ATF7: variants seen among roughly 807,000 people sequenced by gnomAD.
ATF7 encodes the protein activating transcription factor 7.
In ATF7, 10 loss-of-function variants were observed where a neutral mutation model predicts 50.4. That is an observed-to-expected ratio of 0.20 (90% CI 0.12 to 0.34). The LOEUF is 0.34. Among genes scored for constraint, ATF7 ranks in the 10% least tolerant of loss-of-function variants. ATF7 has a pLI of 1.00. For missense variants in ATF7, 465 were observed against 613.9 expected (o/e 0.76, Z 2.56); for synonymous variants, 201 against 226.4 (o/e 0.89, Z 1.01).
At chr12:53,552,744 A>AAAG in intron 2 of ATF7, 107 bp from the exon 3 acceptor site, 1 of 834,004 alleles carries the variant, frequency 1.2e-6, no homozygotes, top group Non-Finnish European at 2.0e-6. Flanking sequence ...TGGTCCCTGG[A>AAAG]AAGAAGAACT....
chr12:53,589,334 T>A (rs148092118), intron 2 of ATF7, among the ~76,000 whole-genome samples: 69 of 152,292 alleles, frequency 4.5e-4, no homozygotes, highest in African/African-American at 1.7e-3. Flanking sequence ...TTTGGCAGAG[T>A]ACATGATAAA....
At chr12:53,585,615 C>T (rs1241438486) in intron 2 of ATF7, among the ~76,000 whole-genome samples, 1 of 152,182 alleles carries the variant, frequency 6.6e-6, no homozygotes, top group African/African-American at 2.4e-5. Context: ...TATTCATTCT[C>T]ATACAGTGCT....
intron 2 of ATF7, among the ~76,000 whole-genome samples, chr12:53,567,203 T>C (rs1941489583): frequency 1.3e-5 from 2 of 152,250 alleles, no homozygotes; most frequent in African/African-American, 4.8e-5. Context: ...ATTCTACATC[T>C]TCATGAATAT....
intron 2 of ATF7, among the ~76,000 whole-genome samples, chr12:53,595,499 T>C (rs937947874): frequency 6.6e-6 from 1 of 152,198 alleles, no homozygotes; most frequent in Non-Finnish European, 1.5e-5. Flanking sequence ...ATAATCTCTA[T>C]AGATTTGTGT....
intron 3 of ATF7, among the ~76,000 whole-genome samples, chr12:53,550,053 C>T (rs968480025): frequency 6.6e-6 from 1 of 152,010 alleles, no homozygotes; most frequent in East Asian, 2.0e-4. Context: ...CCCAGGGGGG[C>T]GGCTCACGCC....
chr12:53,524,809 T>C lies in ATF7; in HGVS notation c.928-48A>G, dbSNP rs1428617277. On this transcript the variant is annotated intron_variant, in intron 9 of 11. Coordinates refer to ENST00000420353, the MANE Select transcript of ATF7 (RefSeq NM_006856.3). This position sits in a 1 kb window ranked among gnomAD's most constrained non-coding sequence, Gnocchi z 4.6. ...GGTTACTTGATGGGAACATTAATCC[T>C]TTCCAAATCACACCTGATGTTAGGT... 5 of 1,460,216 alleles carry C rather than the reference T, an allele frequency of 3.4e-6. No individual in the cohort carries two copies. In the East Asian group the frequency reaches 7.3e-5, roughly 21 times the overall value. The allele number at this position is 1,460,216 out of a possible 1,614,324, so 90.5% of individuals were successfully genotyped here.
chr12:53,594,801 T>A (rs1943084472), intron 2 of ATF7, among the ~76,000 whole-genome samples: 1 of 150,638 alleles, frequency 6.6e-6, no homozygotes. Flanking sequence ...GGCAGGAGAA[T>A]CGCTTGAACC....
intron 2 of ATF7, among the ~76,000 whole-genome samples, chr12:53,561,747 C>G (rs747432724): frequency 3.3e-5 from 5 of 152,242 alleles, no homozygotes; most frequent in Non-Finnish European, 5.9e-5. Context: ...AAAGATGCTA[C>G]TGTTTGCTAT....
chr12:53,551,382 G>C (rs1005235763), intron 3 of ATF7, among the ~76,000 whole-genome samples: 8 of 151,998 alleles, frequency 5.3e-5, no homozygotes, highest in Admixed American at 3.3e-4. Flanking sequence ...GGCTGGTCTC[G>C]AACTCCCAGC....
At chr12:53,566,952 C>G (rs570239129) in intron 2 of ATF7, among the ~76,000 whole-genome samples, 4 of 152,154 alleles carry the variant, frequency 2.6e-5, no homozygotes, top group African/African-American at 9.7e-5. Flanking sequence ...TGGGGTTTCA[C>G]CATCTTGGTC....
intron 7 of ATF7, 64 bp from the exon 8 acceptor site, chr12:53,532,687 G>T: frequency 8.0e-7 from 1 of 1,245,412 alleles, no homozygotes; most frequent in Admixed American, 2.3e-5. Context: ...TGGGGCAACA[G>T]TTTCCCTAAA....
At chr12:53,527,216 G>C (rs1381653998) in intron 9 of ATF7, among the ~76,000 whole-genome samples, 1 of 151,958 alleles carries the variant, frequency 6.6e-6, no homozygotes, top group East Asian at 1.9e-4. Context: ...AGGCGCAGTG[G>C]CTTATGCCTG....
chr12:53,525,310 G>GC lies in ATF7; in HGVS notation c.928-550dup, dbSNP rs536817000. 2.9e-3 allele frequency among the ~76,000 whole-genome samples: 444 copies of GC among 152,304 alleles called. 3 individuals are homozygous for GC. Among genetic ancestry groups the GC allele is most frequent in the African/African-American group, 0.01 (426 of 41,560 alleles). On this transcript the variant is annotated intron_variant, in intron 9 of 11. Coordinates refer to ENST00000420353, the MANE Select transcript of ATF7 (RefSeq NM_006856.3). ...GGAGGTTGCAGTGAGCTGAGATCAT[G>GC]CCATTGCACTCCAGCCTGGGCAACA...
chr12:53,530,383 T>G (rs568408165), intron 9 of ATF7, among the ~76,000 whole-genome samples: 26 of 152,258 alleles, frequency 1.7e-4, no homozygotes, highest in African/African-American at 6.3e-4. Flanking sequence ...ACCTGTTCAG[T>G]GCAGATGATA....
chr12:53,566,058 G>C (rs1941431049), intron 2 of ATF7, among the ~76,000 whole-genome samples: 1 of 152,132 alleles, frequency 6.6e-6, no homozygotes, highest in Non-Finnish European at 1.5e-5. Context: ...CAGATCTAGT[G>C]AGATTTATTC....
chr12:53,562,862 G>T (rs1231939777), intron 2 of ATF7, among the ~76,000 whole-genome samples: 1 of 152,060 alleles, frequency 6.6e-6, no homozygotes, highest in Non-Finnish European at 1.5e-5. Context: ...AAGACAAAAT[G>T]GCAGCAATGG....
chr12:53,529,710 T>TATACACACACACACACACACACACAC (rs1555216854), intron 9 of ATF7, among the ~76,000 whole-genome samples: 1 of 132,250 alleles, frequency 7.6e-6, no homozygotes, highest in African/African-American at 3.0e-5. Context: ...TATATACACA[T>TATACACACACACACACACACACACAC]ACACACACAC....
chr12:53,572,190 T>C (rs533447869), intron 2 of ATF7, among the ~76,000 whole-genome samples: 2 of 152,298 alleles, frequency 1.3e-5, no homozygotes, highest in South Asian at 2.1e-4. Context: ...AGAATAACAG[T>C]TGTCACTCTA....
At chr12:53,571,049 C>T (rs1465749996) in intron 2 of ATF7, among the ~76,000 whole-genome samples, 13 of 152,070 alleles carry the variant, frequency 8.5e-5, no homozygotes, top group Non-Finnish European at 8.8e-5. Flanking sequence ...AGGGGATTAT[C>T]CAGATGGGCC....
Sources: gnomAD v4.1 joint callset for allele counts (sites outside exome capture counted in the v4.1 genomes callset) on GRCh38, gnomAD v4.1.1 for gene constraint, Gnocchi (gnomAD v3.1) non-coding constraint, MANE v1.5 for transcripts, NCBI Gene and HGNC (gene_info 2026-07-23, HGNC 2026-07-21) for gene names.